CD5L: variants seen among roughly 807,000 people sequenced by gnomAD.
CD5L encodes the protein CD5 antigen-like.
In CD5L, 39 loss-of-function variants were observed where a neutral mutation model predicts 40.8. That is an observed-to-expected ratio of 0.96 (90% confidence interval 0.74 to 1.25). The LOEUF is 1.25. Ranked by LOEUF, CD5L falls within the 50% of genes most tolerant of loss-of-function variation. The pLI, the probability that CD5L is intolerant of heterozygous loss-of-function variation, is 0.00. For synonymous variants in CD5L, 192 were observed against 169.6 expected (o/e 1.13, Z -1.03); for missense variants, 433 against 435.9 (o/e 0.99, Z 0.06).
chr1:157,833,769 CT>C (rs760277537), intron 4 of CD5L, among the ~76,000 whole-genome samples: 3,413 of 114,482 alleles, frequency 0.03, 175 homozygotes, highest in East Asian at 0.15. Context: ...CAAAGCTCAG[CT>C]TTTTTTTTTT....
chr1:157,831,939 G>C lies in CD5L; in HGVS notation c.*25C>G, dbSNP rs1452067141. The C allele has an allele frequency of 6.4e-7, 1 of 1,574,712 alleles. No homozygotes were observed. The highest frequency in any genetic ancestry group is 1.4e-5 in the African/African-American group (1 of 73,112). On this transcript the variant is annotated 3_prime_UTR_variant, in exon 6 of 6. Coordinates refer to ENST00000368174, the MANE Select transcript of CD5L (RefSeq NM_005894.3). ...AGCAGAGGGCAGGCGGGGCCAGGGG[G>C]GCCAGGTCAAGCAACACCAGGATAC...
At position 157,834,554 on chromosome 1, in the gene CD5L, A is replaced by G. The variant is rs1219792467; in HGVS notation, c.571T>C (p.Cys191Arg). ...TTTCGGCCATAGGCATGCTTGTTGC[A>G]GCGTTTTTGAGTCAGTACAGCCCTC... ...CGRAVLTQKR[C>R]NKHAYGRKPI... Residue 191 changes from cysteine to arginine, a missense_variant, in exon 4 of 6, where the codon TGC becomes CGC. Physicochemically the swap from Cys to Arg is radical, Grantham distance 180. Transcript: ENST00000368174. 3.7e-6 allele frequency: 6 copies of G among 1,614,038 alleles called. No individual in the cohort carries two copies. Among genetic ancestry groups the G allele is most frequent in the Admixed American group, 3.3e-5 (2 of 60,004 alleles).
At chr1:157,834,007 A>G (rs1373170806) in intron 4 of CD5L, among the ~76,000 whole-genome samples, 1 of 152,122 alleles carries the variant, frequency 6.6e-6, no homozygotes, top group Non-Finnish European at 1.5e-5. Flanking sequence ...GCTCTCCATC[A>G]TGTTCTAACC....
chr1:157,840,294 G>T (rs906145602), intron 1 of CD5L, among the ~76,000 whole-genome samples: 4 of 151,930 alleles, frequency 2.6e-5, no homozygotes, highest in Non-Finnish European at 5.9e-5. Flanking sequence ...TCTCCATAAG[G>T]TCCCTCCTAA....
chr1:157,827,941 A>G (rs1458048231), downstream of CD5L, among the ~76,000 whole-genome samples: 5 of 152,224 alleles, frequency 3.3e-5, no homozygotes, highest in African/African-American at 1.2e-4. Flanking sequence ...CTAGTTTATT[A>G]TCATTGCAAT....
rs1278186869 is a variant in CD5L, at chr1:157,831,507, A to G, written c.*457T>C. 1 of 987,464 alleles carries G rather than the reference A, an allele frequency of 1.0e-6. No individual in the cohort carries two copies. Among genetic ancestry groups the G allele is most frequent in the Non-Finnish European group, 1.2e-6 (1 of 831,534 alleles). The allele number at this position is 987,464 out of a possible 1,614,324, so 61.2% of individuals were successfully genotyped here. A position where few individuals can be genotyped will look rare whatever the true frequency, so the allele number is the denominator to read the frequency against. On this transcript the variant is annotated 3_prime_UTR_variant, in exon 6 of 6. Transcript: ENST00000368174. The stretch of plus-strand genomic sequence containing the variant: ...TCCCCCAAGTTGCAAGAAATTGTCT[A>G]CCCACATTTTCTTTCAAATGTTCCT...
intron 1 of CD5L, among the ~76,000 whole-genome samples, chr1:157,840,709 T>C (rs1273399137): frequency 6.6e-6 from 1 of 152,154 alleles, no homozygotes; most frequent in Non-Finnish European, 1.5e-5. Flanking sequence ...ATATAGCCAG[T>C]AAGTGACTTG....
At position 157,833,278 on chromosome 1, in the gene CD5L, T is replaced by A; in HGVS notation, c.953A>T (p.Glu318Val). Residue 318 changes from glutamate to valine, a missense_variant, in exon 5 of 6, where the codon GAG (glutamate) becomes GTG (valine). Physicochemically the swap from Glu to Val is moderately radical, Grantham distance 121 (BLOSUM62 -2). Transcript: ENST00000368174. ...CTGGCACTGCTCCAGGGACTGCTCC[T>A]CCCCTGAGCAACGAACATTATCCAG... is the stretch of plus-strand genomic sequence containing the variant. ...IWLDNVRCSG[E>V]EQSLEQCQHR... is the part of the protein sequence containing the mutation. 1 of 1,614,070 alleles carries A rather than the reference T, an allele frequency of 6.2e-7. No individual in the cohort carries two copies. Among genetic ancestry groups the A allele is most frequent in the Non-Finnish European group, 8.5e-7 (1 of 1,180,006 alleles).
downstream of CD5L, among the ~76,000 whole-genome samples, chr1:157,828,965 C>T (rs1370624210): frequency 6.6e-6 from 1 of 152,214 alleles, no homozygotes; most frequent in Non-Finnish European, 1.5e-5. Flanking sequence ...TAAACTTTTA[C>T]TTATTATCTC....
rs1656296850 is a variant in CD5L at position 157,839,174 on chromosome 1, G to A, written c.55+210C>T. Among the ~76,000 whole-genome samples the A allele has an allele frequency of 1.3e-5, 2 of 152,176 alleles. 1 individual carries two copies. The highest frequency in any genetic ancestry group is 4.1e-4 in the South Asian group (2 of 4,826). ...GGCCACAGAAACCAAGTGGGGAGAG[G>A]TACCCCCTGCCAGGATAAACCACCC... On this transcript the variant is annotated intron_variant, in intron 2 of 5. Transcript: ENST00000368174.
rs1656381747 is a variant in CD5L, at chr1:157,841,786, A to T, written c.-85T>A. On this transcript the variant is annotated 5_prime_UTR_variant, in exon 1 of 6. Transcript: ENST00000368174. The stretch of plus-strand genomic sequence containing the variant: ...GCAATATTTAGTTTTAGCTGCAAGT[A>T]TGTTAAGAGGAGGGACAAAGACAGG... The T allele has an allele frequency of 3.4e-6, 4 of 1,168,128 alleles. No homozygotes were observed. The highest frequency in any genetic ancestry group is 3.8e-6 in the Non-Finnish European group (3 of 788,700). 72.4% of individuals were successfully genotyped at this position (1,168,128 alleles called of 1,614,324 possible). A position where few individuals can be genotyped will look rare whatever the true frequency, so the allele number is the denominator to read the frequency against.
chr1:157,840,610 A>G (rs899005047), intron 1 of CD5L, among the ~76,000 whole-genome samples: 34 of 152,214 alleles, frequency 2.2e-4, no homozygotes, highest in African/African-American at 7.2e-4. Flanking sequence ...TATATTATAC[A>G]TATGGGAATC....
In CD5L at chr1:157,830,918, G is replaced by A; in HGVS notation, c.*1046C>T. The A allele has an allele frequency of 1.0e-6, 1 of 982,032 alleles. No homozygotes were observed. Among genetic ancestry groups the A allele is most frequent in the Non-Finnish European group, 1.2e-6 (1 of 826,838 alleles). 60.8% of individuals were successfully genotyped at this position (982,032 alleles called of 1,614,324 possible). ...TATCACACAGAGAGGCAATTGTTGA[G>A]ACTGTGAAATCTGATTTATTAGATA... On this transcript the variant is annotated 3_prime_UTR_variant, in exon 6 of 6. Transcript: ENST00000368174.
Position 157,838,355 on chromosome 1 carries a change from G to A in CD5L, c.55+1029C>T, listed in dbSNP as rs1656276588. On this transcript the variant is annotated intron_variant, in intron 2 of 5. Transcript: ENST00000368174. ...AGAAACGTTTTTATCTTCATGAGTA[G>A]CATGAACCGTAAATAATTTGGGGGT... Among the ~76,000 whole-genome samples, 3 of 152,104 alleles carry A rather than the reference G, an allele frequency of 2.0e-5. No individual in the cohort carries two copies. The South Asian group carries it at 6.2e-4, about 31-fold the overall frequency.
chr1:157,836,282 G>T, intron 2 of CD5L, 127 bp from the exon 3 acceptor site: 1 of 748,106 alleles, frequency 1.3e-6, no homozygotes, highest in Non-Finnish European at 2.1e-6. Context: ...CTAGAAATAA[G>T]GGATCAGAAG....
chr1:157,831,701 CA>C lies in CD5L; in HGVS notation c.*262del. 4.9e-6 allele frequency: 6 copies of C among 1,223,704 alleles called. No individual in the cohort carries two copies. Among genetic ancestry groups the C allele is most frequent in the Non-Finnish European group, 6.1e-6 (6 of 981,944 alleles). The allele number at this position is 1,223,704 out of a possible 1,614,324, so 75.8% of individuals were successfully genotyped here. On this transcript the variant is annotated 3_prime_UTR_variant, in exon 6 of 6. Transcript: ENST00000368174. ...AGGCAGGAAAGGCCAGAACCAGTGTCAAAGGGTCAGGGTTGAGCACAGGATA... is the reference window on the plus strand; with the variant it reads ...AGGCAGGAAAGGCCAGAACCAGTGTCAAGGGTCAGGGTTGAGCACAGGATA...
intron 5 of CD5L, 41 bp downstream of exon 5, chr1:157,833,151 C>T (rs1164902022): frequency 1.3e-6 from 2 of 1,489,014 alleles, no homozygotes; most frequent in Non-Finnish European, 9.3e-7. Context: ...CCTTTATCAT[C>T]CTCCTTGCCA....
At chr1:157,838,994 A>G (rs1656292247) in intron 2 of CD5L, among the ~76,000 whole-genome samples, 2 of 152,338 alleles carry the variant, frequency 1.3e-5, no homozygotes, top group South Asian at 2.1e-4. Flanking sequence ...TAATTCAAAC[A>G]AAGACACCAT....
chr1:157,833,333 A>C lies in CD5L; in HGVS notation c.898T>G (p.Cys300Gly). The change falls in exon 5 of 6, where the codon TGC (cysteine) becomes GGC (glycine). Residue 300 changes from cysteine (C) to glycine (G), a missense_variant. Cys to Gly is a radical substitution (Grantham distance 159). Coordinates refer to ENST00000368174, the MANE Select transcript of CD5L (RefSeq NM_005894.3). The stretch of plus-strand genomic sequence containing the variant: ...ATGCGGCCAACCCCAGGGCCATAGC[A>C]TTTCCGGTCTCTGAAGGAGGGAGAG... Reference protein sequence around the residue: ...SLSPSFRDRKCYGPGVGRIWL... With the variant: ...SLSPSFRDRKGYGPGVGRIWL... The C allele has an allele frequency of 6.2e-7, 1 of 1,614,150 alleles. No individual in the cohort carries two copies.
Sources: gnomAD v4.1 joint callset for allele counts (sites outside exome capture counted in the v4.1 genomes callset) on GRCh38, gnomAD v4.1.1 for gene constraint, MANE v1.5 for transcripts, NCBI Gene and HGNC (gene_info 2026-07-23, HGNC 2026-07-21) for gene names.